WWOX: variants seen among roughly 807,000 people sequenced by gnomAD.
WWOX encodes WW domain containing oxidoreductase.
A neutral mutation model predicts 46.2 loss-of-function variants in WWOX; 69 were observed. That is an observed-to-expected ratio of 1.49 (90% CI 1.23 to 1.82). The LOEUF is 1.82. Ranked by LOEUF, WWOX falls within the 40% of genes most tolerant of loss-of-function variation. The probability of loss-of-function intolerance (pLI) is 0.00; values close to 1 mark genes in which losing one functional copy is unlikely to be tolerated. For synonymous variants in WWOX, 359 were observed against 202.6 expected (o/e 1.77, Z -6.56); for missense variants, 919 against 542.6 (o/e 1.69, Z -6.89).
At chr16:78,767,738 TA>T (rs1200009767) in intron 8 of WWOX, among the ~76,000 whole-genome samples, 1 of 152,106 alleles carries the variant, frequency 6.6e-6, no homozygotes, top group African/African-American at 2.4e-5. Flanking sequence ...TTATTTTACT[TA>T]AAAAAATAGA....
At chr16:79,118,077 T>C (rs939252372) in intron 8 of WWOX, among the ~76,000 whole-genome samples, 1 of 152,274 alleles carries the variant, frequency 6.6e-6, no homozygotes, top group Non-Finnish European at 1.5e-5. Flanking sequence ...TTTCAGCCTA[T>C]GTCAGTTTTC....
In WWOX at chr16:78,808,864, C is replaced by T. The variant is rs78025547; in HGVS notation, c.1056+376112C>T. On this transcript the variant is annotated intron_variant, in intron 8 of 8. Transcript: ENST00000566780. ...TCTACGGCTGCCCCTCATTTGAACACACAAAATATAGTTGTGTGGCTTGGT... is the reference window on the plus strand; with the variant it reads ...TCTACGGCTGCCCCTCATTTGAACATACAAAATATAGTTGTGTGGCTTGGT... 6.0e-4 allele frequency among the ~76,000 whole-genome samples: 91 copies of T among 152,282 alleles called. 1 individual carries two copies. The East Asian group carries it at 0.015, about 26-fold the overall frequency.
intron 5 of WWOX, among the ~76,000 whole-genome samples, chr16:78,351,025 G>C (rs1332066979): frequency 6.6e-6 from 1 of 152,312 alleles, no homozygotes; most frequent in East Asian, 1.9e-4. Flanking sequence ...TTGTGATTTT[G>C]ATTTGGATTT....
intron 8 of WWOX, among the ~76,000 whole-genome samples, chr16:78,967,971 C>G (rs375840795): frequency 6.6e-6 from 1 of 152,316 alleles, no homozygotes; most frequent in South Asian, 2.1e-4. Flanking sequence ...TCTCATTTAG[C>G]CCATACCCCA....
intron 8 of WWOX, among the ~76,000 whole-genome samples, chr16:78,828,254 A>G (rs897498760): frequency 6.6e-6 from 1 of 152,222 alleles, no homozygotes. Flanking sequence ...CAATGACAAT[A>G]AAAGCACAGC....
chr16:78,950,308 G>A (rs1452503961), intron 8 of WWOX, among the ~76,000 whole-genome samples: 1 of 152,080 alleles, frequency 6.6e-6, no homozygotes, highest in African/African-American at 2.4e-5. Flanking sequence ...TCAGTCGATG[G>A]TTATTTCCTT....
intron 8 of WWOX, among the ~76,000 whole-genome samples, chr16:78,443,298 GAAAAACAA>G (rs1397523006): frequency 6.6e-5 from 10 of 151,574 alleles, no homozygotes; most frequent in South Asian, 2.1e-4. Flanking sequence ...GAGTGAGACT[GAAAAACAA>G]AAAAACAAAA....
At chr16:78,832,782 A>G (rs1001405245) in intron 8 of WWOX, among the ~76,000 whole-genome samples, 2 of 152,148 alleles carry the variant, frequency 1.3e-5, no homozygotes, top group African/African-American at 4.8e-5. Context: ...AGGCGCCTTT[A>G]CAGAGGAAAC....
intron 8 of WWOX, among the ~76,000 whole-genome samples, chr16:78,761,259 G>T (rs982428386): frequency 6.6e-6 from 1 of 152,134 alleles, no homozygotes; most frequent in African/African-American, 2.4e-5. Context: ...AAGCAAAAGA[G>T]TTCAGAAAGC....
chr16:79,195,510 G>A (rs1039750930), intron 8 of WWOX, among the ~76,000 whole-genome samples: 2 of 152,192 alleles, frequency 1.3e-5, no homozygotes, highest in African/African-American at 2.4e-5. Context: ...GGAAATGAGT[G>A]CCTCCTGGCC....
intron 8 of WWOX, among the ~76,000 whole-genome samples, chr16:78,682,394 G>A (rs548405181): frequency 2.0e-5 from 3 of 152,230 alleles, no homozygotes; most frequent in African/African-American, 7.2e-5. Context: ...TCTGCATGTG[G>A]GTAGTTGGCA....
At chr16:78,127,417 C>G (rs1301829405) in intron 4 of WWOX, among the ~76,000 whole-genome samples, 1 of 151,208 alleles carries the variant, frequency 6.6e-6, no homozygotes, top group Non-Finnish European at 1.5e-5. Flanking sequence ...GTATAAATAA[C>G]TGCTTTAGAC....
intron 8 of WWOX, among the ~76,000 whole-genome samples, chr16:78,589,869 G>T (rs1051346253): frequency 6.6e-6 from 1 of 152,096 alleles, no homozygotes; most frequent in Middle Eastern, 3.2e-3. Context: ...TGCAAGGGGG[G>T]AAAAATGGAA....
intron 6 of WWOX, among the ~76,000 whole-genome samples, chr16:78,418,512 C>G (rs774128605): frequency 1.3e-5 from 2 of 152,088 alleles, no homozygotes; most frequent in South Asian, 2.1e-4. Context: ...GAAAAGGAAA[C>G]TTTAGGTCAC....
At chr16:78,831,045 T>C (rs1812700733) in intron 8 of WWOX, among the ~76,000 whole-genome samples, 1 of 152,068 alleles carries the variant, frequency 6.6e-6, no homozygotes, top group African/African-American at 2.4e-5. Flanking sequence ...CAGAATGTGA[T>C]GTTTTGGGAG....
intron 8 of WWOX, among the ~76,000 whole-genome samples, chr16:79,037,042 G>A (rs966229011): frequency 3.3e-5 from 5 of 152,158 alleles, no homozygotes; most frequent in Non-Finnish European, 5.9e-5. Context: ...TGCTTCTCAG[G>A]CACTCTGTTA....
At chr16:78,234,119 T>C (rs1450256759) in intron 5 of WWOX, among the ~76,000 whole-genome samples, 1 of 88,740 alleles carries the variant, frequency 1.1e-5, no homozygotes, top group South Asian at 3.0e-4. Flanking sequence ...GAGTTCATAT[T>C]CTTTTTTTTT....
At chr16:78,356,800 T>G (rs8048929) in intron 5 of WWOX, among the ~76,000 whole-genome samples, 112,269 of 151,594 alleles carry the variant, frequency 0.74, 42,999 homozygotes, top group African/African-American at 0.83. Flanking sequence ...GAGAATTTCT[T>G]GAACCTGGGA....
chr16:78,121,285 T>C (rs1172876256), intron 4 of WWOX, among the ~76,000 whole-genome samples: 1 of 152,232 alleles, frequency 6.6e-6, no homozygotes, highest in Non-Finnish European at 1.5e-5. Context: ...TATTATCTTA[T>C]GCTAAATTAT....
Sources: gnomAD v4.1 joint callset for allele counts (sites outside exome capture counted in the v4.1 genomes callset) on GRCh38, gnomAD v4.1.1 for gene constraint, MANE v1.5 for transcripts, NCBI Gene and HGNC (gene_info 2026-07-23, HGNC 2026-07-21) for gene names.